PTPRE: variants seen among roughly 807,000 people sequenced by gnomAD.
PTPRE encodes protein tyrosine phosphatase receptor type E.
A neutral mutation model predicts 102.0 loss-of-function variants in PTPRE; 51 were observed. The observed-to-expected ratio is 0.50, with a 90% CI of 0.40 to 0.63. PTPRE has a LOEUF of 0.63. Ranked by LOEUF, PTPRE falls within the 30% of genes least tolerant of loss-of-function variation. The probability of loss-of-function intolerance (pLI) is 0.00; values close to 1 mark genes in which losing one functional copy is unlikely to be tolerated. For synonymous variants in PTPRE, 345 were observed against 348.2 expected (o/e 0.99, Z 0.10); for missense variants, 752 against 915.1 (o/e 0.82, Z 2.30).
chr10:127,972,239 G>A (rs1850803555), intron 1 of PTPRE, among the ~76,000 whole-genome samples: 2 of 152,186 alleles, frequency 1.3e-5, no homozygotes, highest in Admixed American at 1.3e-4. Context: ...CTCCCAGGAA[G>A]CAATTCCAGG....
intron 1 of PTPRE, among the ~76,000 whole-genome samples, chr10:127,940,238 ACT>A (rs574956908): frequency 1.3e-5 from 2 of 152,032 alleles, no homozygotes; most frequent in Admixed American, 1.3e-4. Flanking sequence ...CTCTCTAAAC[ACT>A]CTGCTCTGAC....
intron 2 of PTPRE, among the ~76,000 whole-genome samples, chr10:127,993,377 G>C (rs1194240042): frequency 6.6e-6 from 1 of 152,162 alleles, no homozygotes; most frequent in Non-Finnish European, 1.5e-5. Flanking sequence ...CACATAACTT[G>C]AAGCTAATGC....
At chr10:128,014,977 AC>A (rs1353323545) in intron 2 of PTPRE, among the ~76,000 whole-genome samples, 1 of 152,120 alleles carries the variant, frequency 6.6e-6, no homozygotes, top group Non-Finnish European at 1.5e-5. Flanking sequence ...TGCATGCCAC[AC>A]CCGGTCTTCC....
chr10:128,076,480 G>GTT (rs3833746), intron 17 of PTPRE, 123 bp from the exon 18 acceptor site: 40,071 of 777,140 alleles, frequency 0.052, 1 homozygote, highest in Middle Eastern at 0.073. Context: ...ATATTCATAT[G>GTT]TTTTTTTTTT....
chr10:128,040,403 G>T (rs1048886445), intron 2 of PTPRE, among the ~76,000 whole-genome samples: 6 of 152,162 alleles, frequency 3.9e-5, no homozygotes, highest in Admixed American at 2.6e-4. Context: ...TGAAGAAACC[G>T]ATTGAAAAGC....
At chr10:127,988,714 T>C (rs772493496) in intron 2 of PTPRE, among the ~76,000 whole-genome samples, 1 of 152,162 alleles carries the variant, frequency 6.6e-6, no homozygotes. Context: ...GTTGAAAGAC[T>C]CTCTATTGGG....
rs1844621317 is a variant in PTPRE at position 128,007,836 on chromosome 10, C to G, written c.-8+25540C>G. Among the ~76,000 whole-genome samples the G allele has an allele frequency of 1.3e-5, 2 of 152,322 alleles. 1 individual carries two copies. Among genetic ancestry groups the G allele is most frequent in the Admixed American group, 1.3e-4 (2 of 15,306 alleles). ...GAAAGCGCCATGAAGACATCATGCC[C>G]TGATCAGCATCCGCATCTTGACTTT... is the stretch of plus-strand genomic sequence containing the variant. On this transcript the variant is annotated intron_variant, in intron 2 of 20. Coordinates refer to ENST00000254667, the MANE Select transcript of PTPRE (RefSeq NM_006504.6).
rs929929590 is a variant in PTPRE, at chr10:128,085,693, T to A, written c.*2787T>A. On this transcript the variant is annotated 3_prime_UTR_variant, in exon 21 of 21. Transcript: ENST00000254667. ...ACTTATGTGCAGTCTTTATAATGTA[T>A]GTATGTTATTACAGTTTCAACTATC... 6.6e-6 allele frequency: 1 copy of A among 152,636 alleles called. No individual in the cohort carries two copies. Among genetic ancestry groups the A allele is most frequent in the Admixed American group, 6.5e-5 (1 of 15,276 alleles). 9.5% of individuals were successfully genotyped at this position (152,636 alleles called of 1,614,324 possible). A position where few individuals can be genotyped will look rare whatever the true frequency, so the allele number is the denominator to read the frequency against.
In PTPRE at chr10:127,944,653, A is replaced by C. The variant is rs1033720433; in HGVS notation, c.-31+37344A>C. Among the ~76,000 whole-genome samples, 5 of 152,132 alleles carry C rather than the reference A, an allele frequency of 3.3e-5. No individual in the cohort carries two copies. The highest frequency in any genetic ancestry group is 1.2e-4 in the African/African-American group (5 of 41,408). ...CCTATAAGGATTTTGCACATAATAGAAGGTCATTTGAGGAGATTGAGCAGG... is the reference window on the plus strand; with the variant it reads ...CCTATAAGGATTTTGCACATAATAGCAGGTCATTTGAGGAGATTGAGCAGG... On this transcript the variant is annotated intron_variant, in intron 1 of 20. Coordinates refer to ENST00000254667, the MANE Select transcript of PTPRE (RefSeq NM_006504.6). This position sits in a 1 kb window ranked among gnomAD's most constrained non-coding sequence, Gnocchi z 4.2.
intron 20 of PTPRE, among the ~76,000 whole-genome samples, chr10:128,080,641 T>C (rs1851623868): frequency 6.6e-6 from 1 of 152,196 alleles, no homozygotes; most frequent in African/African-American, 2.4e-5. Context: ...GTCATCCAGG[T>C]GTCCTCCCGT....
At chr10:127,991,403 C>A (rs1228827072) in intron 2 of PTPRE, among the ~76,000 whole-genome samples, 1 of 152,202 alleles carries the variant, frequency 6.6e-6, no homozygotes, top group Non-Finnish European at 1.5e-5. Flanking sequence ...TTAAAAAATT[C>A]TTTCTGATAC....
rs186354179 is a variant in PTPRE at position 127,937,539 on chromosome 10, A to T, written c.-31+30230A>T. On this transcript the variant is annotated intron_variant, in intron 1 of 20. Transcript: ENST00000254667. The stretch of plus-strand genomic sequence containing the variant: ...CAATATCTCGGTAGAGAAAAGGGGG[A>T]ATTTTTTTGCTTATACTTTTTAAAA... Among the ~76,000 whole-genome samples the T allele has an allele frequency of 6.8e-4, 104 of 152,078 alleles. 1 individual carries two copies. Among genetic ancestry groups the T allele is most frequent in the African/African-American group, 2.5e-3 (102 of 41,484 alleles).
intron 1 of PTPRE, among the ~76,000 whole-genome samples, chr10:127,930,119 T>A (rs1393040857): frequency 1.3e-5 from 2 of 152,156 alleles, no homozygotes; most frequent in Non-Finnish European, 2.9e-5. Context: ...TAGATTTTAT[T>A]TTTTAAATTA....
chr10:128,063,276 C>G, intron 10 of PTPRE, 96 bp downstream of exon 10: 5 of 1,527,164 alleles, frequency 3.3e-6, no homozygotes, highest in Non-Finnish European at 4.4e-6. Context: ...ACTTCCCTCC[C>G]TTCCTCCCAC....
intron 1 of PTPRE, among the ~76,000 whole-genome samples, chr10:127,977,834 A>G (rs933201318): frequency 1.3e-5 from 2 of 152,016 alleles, no homozygotes; most frequent in South Asian, 2.1e-4. Context: ...CCCTGTTCCG[A>G]TGTTGTCACC....
chr10:128,002,224 AC>A (rs2135559679), intron 2 of PTPRE, among the ~76,000 whole-genome samples: 1 of 152,162 alleles, frequency 6.6e-6, no homozygotes, highest in African/African-American at 2.4e-5. Context: ...TATTCAGCTG[AC>A]CCTGGACTGC....
intron 2 of PTPRE, among the ~76,000 whole-genome samples, chr10:127,985,646 T>TCATCATC (rs1333940715): frequency 1.3e-5 from 2 of 152,196 alleles, no homozygotes; most frequent in Non-Finnish European, 2.9e-5. Context: ...CTTATTATGA[T>TCATCATC]CATCATCGCA....
intron 2 of PTPRE, among the ~76,000 whole-genome samples, chr10:128,007,507 T>A (rs1844596494): frequency 6.6e-6 from 1 of 152,354 alleles, no homozygotes; most frequent in South Asian, 2.1e-4. Flanking sequence ...TGTCCATTTA[T>A]CCTGAAAGGG....
At chr10:127,935,328 G>A (rs577987853) in intron 1 of PTPRE, among the ~76,000 whole-genome samples, 4 of 152,164 alleles carry the variant, frequency 2.6e-5, no homozygotes, top group Admixed American at 6.5e-5. Flanking sequence ...AATCAACCCC[G>A]GGGCATCTCA....
Sources: allele counts gnomAD v4.1 joint callset (sites outside exome capture counted in the v4.1 genomes callset), GRCh38; gene constraint gnomAD v4.1.1; non-coding constraint Gnocchi (gnomAD v3.1); transcripts MANE v1.5; gene names NCBI Gene and HGNC (gene_info 2026-07-23, HGNC 2026-07-21).